TULP4: variants seen among roughly 807,000 people sequenced by gnomAD.
TULP4 encodes tubby-related protein 4.
A neutral mutation model predicts 129.0 loss-of-function variants in TULP4; 16 were observed. That is an observed-to-expected ratio of 0.12 (90% CI 0.08 to 0.19). TULP4 has a LOEUF of 0.19. TULP4 is among the 10% of genes least tolerant of loss of function. The probability of loss-of-function intolerance (pLI) is 1.00; values close to 1 mark genes in which losing one functional copy is unlikely to be tolerated. For synonymous variants in TULP4, 998 were observed against 854.0 expected, an observed-to-expected ratio of 1.17 and a Z score of -2.94; for missense variants, 1,842 against 2,059.1, an observed-to-expected ratio of 0.89 and a Z score of 2.04.
intron 1 of TULP4, among the ~76,000 whole-genome samples, chr6:158,355,452 A>C (rs1399126779): frequency 6.6e-6 from 1 of 152,176 alleles, no homozygotes; most frequent in African/African-American, 2.4e-5. Flanking sequence ...GAGTCCAGGT[A>C]GTAGACAAGG....
At chr6:158,479,999 T>C in intron 7 of TULP4, 24 bp downstream of exon 7, 1 of 1,543,798 alleles carries the variant, frequency 6.5e-7, no homozygotes, top group Non-Finnish European at 8.8e-7. Context: ...CCCCTCCCTC[T>C]TCCTCCTCCC....
chr6:158,460,903 G>A (rs601840), intron 5 of TULP4, among the ~76,000 whole-genome samples: 1 of 149,562 alleles, frequency 6.7e-6, no homozygotes, highest in African/African-American at 2.5e-5. Context: ...TTATTGTCTT[G>A]CTGTCTCTTA....
At chr6:158,392,790 A>ATTTT (rs1554286987) in intron 1 of TULP4, among the ~76,000 whole-genome samples, 2 of 38,626 alleles carry the variant, frequency 5.2e-5, no homozygotes, top group Admixed American at 2.5e-4. Flanking sequence ...TTAAATTTGT[A>ATTTT]TTTCTTTTTT....
At chr6:158,410,450 G>A (rs1204538983) in intron 1 of TULP4, among the ~76,000 whole-genome samples, 1 of 152,140 alleles carries the variant, frequency 6.6e-6, no homozygotes, top group Non-Finnish European at 1.5e-5. Flanking sequence ...GAGTCATAGT[G>A]GATGAGTATT....
Position 158,452,288 on chromosome 6 carries a change from C to A in TULP4, c.859+20C>A. On this transcript the variant is annotated intron_variant, in intron 5 of 13. Transcript: ENST00000367097. ...TGAAAGGTACAGAATGCTGCACACA[C>A]CCCAAACCTGCAGACCGGGCCTGTG... is the stretch of plus-strand genomic sequence containing the variant. 2 of 1,612,476 alleles carry A rather than the reference C, an allele frequency of 1.2e-6. No individual in the cohort carries two copies. The highest frequency in any genetic ancestry group is 1.7e-6 in the Non-Finnish European group (2 of 1,179,114).
intron 1 of TULP4, among the ~76,000 whole-genome samples, chr6:158,248,565 G>A (rs1462670914): frequency 3.9e-5 from 6 of 152,030 alleles, no homozygotes; most frequent in South Asian, 2.1e-4. Context: ...CACCGTGCCC[G>A]GCGTCTGTTC....
chr6:158,506,222 CTTTTTTTTTTT>C (rs61292138), intron 13 of TULP4, among the ~76,000 whole-genome samples: 2 of 55,498 alleles, frequency 3.6e-5, no homozygotes, highest in Non-Finnish European at 3.3e-5. Context: ...TCGCCTTGTT[CTTTTTTTTTTT>C]TTTTTTTTTT....
At chr6:158,267,559 G>C (rs1214359717) in intron 1 of TULP4, among the ~76,000 whole-genome samples, 1 of 152,178 alleles carries the variant, frequency 6.6e-6, no homozygotes, top group Non-Finnish European at 1.5e-5. Context: ...CTGTTGCTCT[G>C]TTAGGCCTCT....
At chr6:158,256,667 C>A (rs1388759770) in intron 1 of TULP4, among the ~76,000 whole-genome samples, 1 of 152,206 alleles carries the variant, frequency 6.6e-6, no homozygotes, top group Non-Finnish European at 1.5e-5. Context: ...AACTGGATTA[C>A]AGCCCAGTGT....
At position 158,502,615 on chromosome 6, in the gene TULP4, C is replaced by T. The variant is rs372387531; in HGVS notation, c.2952C>T (p.His984=). 75 of 1,598,032 alleles carry T rather than the reference C, an allele frequency of 4.7e-5. No homozygotes were observed. Among genetic ancestry groups the T allele is most frequent in the Middle Eastern group, 1.6e-4 (1 of 6,068 alleles). Residue 984 remains histidine, a synonymous_variant, in exon 13 of 14, where the codon CAC becomes CAT. Coordinates refer to ENST00000367097, the MANE Select transcript of TULP4 (RefSeq NM_020245.5). ...AGAGGTCCGACAATAGCCTCATCCACGCTACCCTGCGGAGGAACAACCGTG... is the reference window on the plus strand; with the variant it reads ...AGAGGTCCGACAATAGCCTCATCCATGCTACCCTGCGGAGGAACAACCGTG... The part of the protein sequence containing the change: ...AAQRSDNSLI[H]ATLRRNNREA...
At chr6:158,240,263 A>G (rs1583665914) in intron 1 of TULP4, among the ~76,000 whole-genome samples, 2 of 65,652 alleles carry the variant, frequency 3.0e-5, no homozygotes, top group African/African-American at 5.3e-5. Context: ...GGCCGGGCAG[A>G]GGGGCTCCTC....
intron 1 of TULP4, among the ~76,000 whole-genome samples, chr6:158,263,422 A>G (rs1255718500): frequency 6.6e-6 from 1 of 152,218 alleles, no homozygotes; most frequent in Non-Finnish European, 1.5e-5. Flanking sequence ...CTGAGCTGCT[A>G]AAGACTTTAT....
At chr6:158,411,502 A>G (rs1173942454) in intron 1 of TULP4, among the ~76,000 whole-genome samples, 2 of 152,244 alleles carry the variant, frequency 1.3e-5, no homozygotes, top group African/African-American at 4.8e-5. Context: ...TCTAGTGATC[A>G]CCAGGTCTCA....
chr6:158,274,743 C>G (rs1192428217), intron 1 of TULP4, among the ~76,000 whole-genome samples: 1 of 152,204 alleles, frequency 6.6e-6, no homozygotes, highest in East Asian at 1.9e-4. Flanking sequence ...CGCCCCTGCA[C>G]TCCAGCCTGG....
intron 1 of TULP4, among the ~76,000 whole-genome samples, chr6:158,248,184 G>C (rs1026969626): frequency 6.6e-6 from 1 of 152,142 alleles, no homozygotes; most frequent in African/African-American, 2.4e-5. Context: ...GCTCATGCCT[G>C]TAATCCCAGC....
At chr6:158,365,117 A>G (rs1024736761) in intron 1 of TULP4, among the ~76,000 whole-genome samples, 4 of 151,796 alleles carry the variant, frequency 2.6e-5, no homozygotes, top group Non-Finnish European at 4.4e-5. Context: ...ATTATGGCAC[A>G]TTTTTAGCGT....
At chr6:158,470,909 T>G (rs766488817) in intron 6 of TULP4, among the ~76,000 whole-genome samples, 172 of 152,342 alleles carry the variant, frequency 1.1e-3, no homozygotes, top group African/African-American at 3.6e-3. Context: ...ACATGTAAAC[T>G]ACTGTTTTGA....
intron 1 of TULP4, chr6:158,242,199 T>C: frequency 2.9e-6 from 4 of 1,379,380 alleles, no homozygotes; most frequent in Non-Finnish European, 4.1e-6. Flanking sequence ...CTTCTGATAA[T>C]GAATGGTGGC....
chr6:158,490,164 G>A (rs1338053246), intron 9 of TULP4, among the ~76,000 whole-genome samples: 14 of 152,214 alleles, frequency 9.2e-5, no homozygotes, highest in Admixed American at 7.2e-4. Flanking sequence ...TTGGGCGGCC[G>A]AGGCGGGTGG....
Sources: allele counts gnomAD v4.1 joint callset (sites outside exome capture counted in the v4.1 genomes callset), GRCh38; gene constraint gnomAD v4.1.1; transcripts MANE v1.5; gene names NCBI Gene and HGNC (gene_info 2026-07-23, HGNC 2026-07-21).